NAV1: variants seen among roughly 807,000 people sequenced by gnomAD.
The protein encoded by NAV1 is neuron navigator 1.
Under a neutral mutation model 175.2 loss-of-function variants are expected in NAV1, and 18 were observed. The ratio of observed to expected loss-of-function variants is 0.10; its 90% CI spans 0.07 to 0.15. NAV1 has a LOEUF of 0.15. NAV1 is among the 10% of genes least tolerant of loss of function. The pLI is 1.00. For synonymous variants in NAV1, 897 were observed against 978.7 expected, an observed-to-expected ratio of 0.92 and a Z score of 1.56; for missense variants, 1,731 against 2,436.6, an observed-to-expected ratio of 0.71 and a Z score of 6.10.
chr1:201,791,531 CT>C, intron 13 of NAV1: 1 of 152,352 alleles, frequency 6.6e-6, no homozygotes. Context: ...TCCCCCAAAG[CT>C]GTAAACAACA....
At chr1:201,629,969 C>A (rs903031500) in intron 2 of NAV1, among the ~76,000 whole-genome samples, 1 of 152,192 alleles carries the variant, frequency 6.6e-6, no homozygotes, top group African/African-American at 2.4e-5. Context: ...ATCCTGTAGT[C>A]ATGAGATATC....
Position 201,782,860 on chromosome 1 carries a change from C to T in NAV1, c.2348C>T (p.Thr783Ile). 6.3e-7 allele frequency: 1 copy of T among 1,581,876 alleles called. No homozygotes were observed. The highest frequency in any genetic ancestry group is 8.6e-7 in the Non-Finnish European group (1 of 1,163,410). Residue 783 changes from threonine (T) to isoleucine (I), a missense_variant, in exon 6 of 30, where the codon ACC becomes ATC. Transcript: ENST00000367296. The surrounding 1 kb of genome is among the most constrained non-coding windows in gnomAD (Gnocchi z 5.4). ...ACCAAGCTGGCAGAGCTGCCACCAA[C>T]CCCTCTCAGGTACCCAATGTGGGCA...
chr1:201,677,534 C>A lies in NAV1; in HGVS notation c.757+28109C>A, dbSNP rs919863875. ...TCTGACTGCTTGCTCCTGGGACTCA[C>A]GGTGCTTTTTTCATTTCTAGTTCAG... On this transcript the variant is annotated intron_variant, in intron 1 of 29. Coordinates refer to ENST00000367296, the Ensembl canonical transcript of NAV1. Among the ~76,000 whole-genome samples, 22 of 152,212 alleles carry A rather than the reference C, an allele frequency of 1.4e-4. 1 individual carries two copies. The highest frequency in any genetic ancestry group is 3.4e-3 in the Middle Eastern group (1 of 294).
chr1:201,568,428 G>T (rs1043702118), intron 1 of NAV1, among the ~76,000 whole-genome samples: 1 of 152,178 alleles, frequency 6.6e-6, no homozygotes, highest in African/African-American at 2.4e-5. Context: ...CTGAATTCTT[G>T]TTGGGTGCTG....
rs750463548 is a variant in NAV1 at position 201,718,717 on chromosome 1, G to C, written c.1188G>C (p.Met396Ile). 2 of 1,613,824 alleles carry C rather than the reference G, an allele frequency of 1.2e-6. No individual in the cohort carries two copies. The highest frequency in any genetic ancestry group is 1.6e-4 in the Middle Eastern group (1 of 6,078). The change falls in exon 3 of 30, where the codon ATG becomes ATC. Residue 396 changes from methionine to isoleucine, a missense_variant. This residue lies in a region of NAV1 where 487 missense variants were observed against 581.3 expected (regional missense o/e 0.84). Transcript: ENST00000367296. The surrounding 1 kb of genome is among the most constrained non-coding windows in gnomAD (Gnocchi z 4.8). Reference sequence around the variant, plus strand: ...GCTACATGAGCGACAGTGACCTCATGGGCAAGACCATGACGGAGGATGATG... The same window carrying C: ...GCTACATGAGCGACAGTGACCTCATCGGCAAGACCATGACGGAGGATGATG...
At chr1:201,715,308 G>A (rs956681332) in intron 2 of NAV1, among the ~76,000 whole-genome samples, 4 of 151,746 alleles carry the variant, frequency 2.6e-5, no homozygotes, top group Admixed American at 6.6e-5. Context: ...CTACAGGTGC[G>A]TGCCACCACA....
At chr1:201,701,513 CTG>C (rs1299164151) in intron 1 of NAV1, among the ~76,000 whole-genome samples, 1 of 152,140 alleles carries the variant, frequency 6.6e-6, no homozygotes, top group Non-Finnish European at 1.5e-5. Context: ...ACTTCTATAT[CTG>C]TGCTGCAGTA....
chr1:201,708,382 C>A (rs771182442), intron 1 of NAV1, among the ~76,000 whole-genome samples: 50 of 152,196 alleles, frequency 3.3e-4, no homozygotes, highest in South Asian at 6.2e-4. Flanking sequence ...CTTGGTGTCG[C>A]CCTGGGGCCT....
At chr1:201,786,638 A>G (rs1210030197) in intron 9 of NAV1, 61 bp downstream of exon 13, 2 of 1,526,488 alleles carry the variant, frequency 1.3e-6, no homozygotes, top group Non-Finnish European at 1.8e-6. Context: ...CTGCAGGGTG[A>G]GGCAAGGCAG....
chr1:201,689,989 C>T (rs981066161), intron 1 of NAV1, among the ~76,000 whole-genome samples: 2 of 148,474 alleles, frequency 1.3e-5, no homozygotes, highest in Non-Finnish European at 3.0e-5. Flanking sequence ...TCCTCCGTGG[C>T]CTGTCCATGC....
At chr1:201,760,790 G>A (rs530963253) in intron 3 of NAV1, among the ~76,000 whole-genome samples, 11 of 152,212 alleles carry the variant, frequency 7.2e-5, no homozygotes, top group Middle Eastern at 3.4e-3. Flanking sequence ...TAACTTGCCC[G>A]TATCCTGAAT....
At chr1:201,786,476 A>G in exon 9 of NAV1, 2 of 1,613,986 alleles carry the variant, frequency 1.2e-6, no homozygotes, top group African/African-American at 1.3e-5. Context: ...CGACATTCCC[A>G]TACCATTGGT....
chr1:201,695,325 G>T (rs1671145253), intron 1 of NAV1, among the ~76,000 whole-genome samples: 1 of 152,162 alleles, frequency 6.6e-6, no homozygotes. Flanking sequence ...CCTTTGCCCT[G>T]TGTATAGTTC....
intron 2 of NAV1, among the ~76,000 whole-genome samples, chr1:201,639,599 C>A (rs941530642): frequency 2.0e-5 from 3 of 152,200 alleles, no homozygotes; most frequent in African/African-American, 7.2e-5. Context: ...CCCTAGCCCC[C>A]TGACTTTCTA....
intron 28 of NAV1, 50 bp from the exon 33 acceptor site, chr1:201,817,038 C>T: frequency 6.4e-7 from 1 of 1,556,830 alleles, no homozygotes; most frequent in African/African-American, 1.4e-5. Flanking sequence ...CATGAACAAG[C>T]CTCTAATCTG....
intron 1 of NAV1, among the ~76,000 whole-genome samples, chr1:201,550,143 G>A (rs1298299171): frequency 3.3e-5 from 5 of 151,482 alleles, no homozygotes; most frequent in Non-Finnish European, 7.4e-5. Flanking sequence ...CTAAATATTT[G>A]TTGTAATTTA....
chr1:201,678,020 T>G (rs1285072886), intron 1 of NAV1, among the ~76,000 whole-genome samples: 2 of 152,178 alleles, frequency 1.3e-5, no homozygotes, highest in African/African-American at 4.8e-5. Flanking sequence ...AGTTTAGAGT[T>G]TTGAAACCTG....
At chr1:201,559,656 GT>G (rs1378819402) in intron 1 of NAV1, among the ~76,000 whole-genome samples, 6 of 152,208 alleles carry the variant, frequency 3.9e-5, no homozygotes, top group African/African-American at 1.4e-4. Flanking sequence ...TCCTGTGCAG[GT>G]TTCATTTAGC....
chr1:201,591,091 C>T (rs1667178870), intron 2 of NAV1, among the ~76,000 whole-genome samples: 1 of 152,172 alleles, frequency 6.6e-6, no homozygotes, highest in African/African-American at 2.4e-5. Flanking sequence ...CTGCTGAATT[C>T]CTGGCCTTTA....
Sources: allele counts gnomAD v4.1 joint callset (sites outside exome capture counted in the v4.1 genomes callset), GRCh38; gene constraint gnomAD v4.1.1; regional missense constraint gnomAD v4.1.1; non-coding constraint Gnocchi (gnomAD v3.1); transcripts MANE v1.5; gene names NCBI Gene and HGNC (gene_info 2026-07-23, HGNC 2026-07-21).